PTPRS: variants seen among roughly 807,000 people sequenced by gnomAD.
PTPRS encodes the protein receptor-type tyrosine-protein phosphatase S.
PTPRS carries 63 observed loss-of-function variants against 215.3 expected under a neutral mutation model. The observed-to-expected ratio is 0.29, with a 90% confidence interval of 0.24 to 0.36. The LOEUF is 0.36. Among genes scored for constraint, PTPRS ranks in the 10% least tolerant of loss-of-function variants. The probability of loss-of-function intolerance (pLI) is 1.00; values close to 1 mark genes in which losing one functional copy is unlikely to be tolerated. For missense variants in PTPRS, 2,258 were observed against 2,825.8 expected (o/e 0.80, Z 4.56); for synonymous variants, 1,404 against 1,191.4 (o/e 1.18, Z -3.68).
chr19:5,239,954 G>A (rs961804934), intron 12 of PTPRS, among the ~76,000 whole-genome samples: 5 of 152,098 alleles, frequency 3.3e-5, no homozygotes, highest in Admixed American at 6.5e-5. Flanking sequence ...TGGGGACGCC[G>A]ATACATACGG....
chr19:5,311,811 TG>T (rs957408990), intron 1 of PTPRS, among the ~76,000 whole-genome samples: 9 of 151,776 alleles, frequency 5.9e-5, no homozygotes, highest in African/African-American at 2.2e-4. Flanking sequence ...GAGGCTGAGG[TG>T]GGTGGATCAC....
intron 1 of PTPRS, among the ~76,000 whole-genome samples, chr19:5,326,667 C>A (rs2050175482): frequency 1.4e-5 from 2 of 143,970 alleles, no homozygotes; most frequent in Admixed American, 1.4e-4. Context: ...GCCTGGGTGA[C>A]AGAGTGAGAT....
chr19:5,280,368 A>T (rs1385379922), intron 2 of PTPRS, among the ~76,000 whole-genome samples: 2 of 152,184 alleles, frequency 1.3e-5, no homozygotes, highest in African/African-American at 4.8e-5. Context: ...CCCTCACTCA[A>T]GGCTCTGCTC....
At chr19:5,234,943 CTTTTTT>C (rs113097365) in intron 13 of PTPRS, among the ~76,000 whole-genome samples, 2 of 137,834 alleles carry the variant, frequency 1.5e-5, no homozygotes, top group African/African-American at 5.4e-5. Context: ...TTCTTTCTTT[CTTTTTT>C]TTTTTTTTTT....
intron 7 of PTPRS, among the ~76,000 whole-genome samples, chr19:5,260,167 G>A (rs967139336): frequency 1.2e-4 from 18 of 150,508 alleles, no homozygotes; most frequent in African/African-American, 4.4e-4. Context: ...CACTTTGCAT[G>A]TTCGTTTTGT....
intron 1 of PTPRS, among the ~76,000 whole-genome samples, chr19:5,299,266 C>T (rs2147077345): frequency 6.6e-6 from 1 of 152,318 alleles, no homozygotes; most frequent in South Asian, 2.1e-4. Flanking sequence ...CCTCCCTGCC[C>T]TCCATTCCTC....
chr19:5,211,524 G>A, intron 33 of PTPRS, 66 bp downstream of exon 33: 1 of 1,499,252 alleles, frequency 6.7e-7, no homozygotes, highest in Non-Finnish European at 9.1e-7. Flanking sequence ...CACAAGACTG[G>A]AGGCCTCTTG....
chr19:5,225,124 C>T (rs1385731604), intron 17 of PTPRS, among the ~76,000 whole-genome samples: 1 of 152,168 alleles, frequency 6.6e-6, no homozygotes, highest in Middle Eastern at 3.4e-3. Context: ...GAAAAAAAAG[C>T]CAGCCCCTTG....
chr19:5,211,584 A>T lies in PTPRS; in HGVS notation c.5234+6T>A, dbSNP rs1359276843. On this transcript the variant is annotated splice_donor_region_variant and intron_variant, in intron 33 of 37. Coordinates refer to ENST00000262963, the MANE Select transcript of PTPRS (RefSeq NM_002850.4). ...GGCCCTGAGGTGGGAAAGGCATGGC[A>T]CCTACCTGTAGCCATCAATGAAGCT... 6.2e-7 allele frequency: 1 copy of T among 1,603,174 alleles called. No individual in the cohort carries two copies.
intron 4 of PTPRS, 198 bp downstream of exon 4, chr19:5,273,244 T>G: frequency 1.5e-6 from 1 of 659,746 alleles, no homozygotes. Context: ...AATTCCTTTC[T>G]TTCTTGCAAA....
At chr19:5,291,570 T>G (rs1020321790) in intron 1 of PTPRS, among the ~76,000 whole-genome samples, 3 of 152,086 alleles carry the variant, frequency 2.0e-5, no homozygotes, top group African/African-American at 7.2e-5. Flanking sequence ...CTTCTTGATG[T>G]GACTGCATCC....
In PTPRS at chr19:5,257,954, G is replaced by A. The variant is rs1195184119; in HGVS notation, c.706+63C>T. The A allele has an allele frequency of 3.5e-6, 5 of 1,430,698 alleles. No homozygotes were observed. The highest frequency in any genetic ancestry group is 2.8e-5 in the African/African-American group (2 of 71,454). 88.6% of individuals were successfully genotyped at this position (1,430,698 alleles called of 1,614,324 possible). ...GGGGGAGCCCGGAGGCGGTGAGCCC[G>A]AGGAGGGAGGGGGATGGGACGGGGC... On this transcript the variant is annotated intron_variant, in intron 8 of 37. Transcript: ENST00000262963. This position sits in a 1 kb window ranked among gnomAD's most constrained non-coding sequence, Gnocchi z 4.4.
At position 5,237,285 on chromosome 19, in the gene PTPRS, G is replaced by A. The variant is rs935596916; in HGVS notation, c.1849+1634C>T. Among the ~76,000 whole-genome samples, 7 of 152,118 alleles carry A rather than the reference G, an allele frequency of 4.6e-5. No individual in the cohort carries two copies. The highest frequency in any genetic ancestry group is 2.0e-4 in the Admixed American group (3 of 15,282). ...ACCCTGTGTTCAGCCTAAGGAGCCC[G>A]CAGTCCCCGGGGGGATGGATACGCC... On this transcript the variant is annotated intron_variant, in intron 13 of 37. Coordinates refer to ENST00000262963, the MANE Select transcript of PTPRS (RefSeq NM_002850.4). The surrounding 1 kb of genome is among the most constrained non-coding windows in gnomAD (Gnocchi z 4.2).
chr19:5,297,615 A>G (rs556975812), intron 1 of PTPRS, among the ~76,000 whole-genome samples: 1 of 152,136 alleles, frequency 6.6e-6, no homozygotes, highest in Admixed American at 6.5e-5. Context: ...CAAGGCTGCA[A>G]AAACTGGGGG....
intron 7 of PTPRS, 69 bp from the exon 8 acceptor site, chr19:5,258,196 C>A (rs758313751): frequency 3.1e-6 from 4 of 1,296,892 alleles, no homozygotes; most frequent in Admixed American, 1.7e-5. Flanking sequence ...AAAGCTCCCC[C>A]ACCAGAGTGC....
intron 1 of PTPRS, among the ~76,000 whole-genome samples, chr19:5,291,301 G>A (rs117557708): frequency 3.8e-3 from 575 of 152,114 alleles, no homozygotes; most frequent in Non-Finnish European, 5.9e-3. Flanking sequence ...GCTGTTTAAC[G>A]GATTAGGAAA....
In PTPRS at chr19:5,287,964, GCACACACACACACACACACA is replaced by G. The variant is rs3042434; in HGVS notation, c.-94-1750_-94-1731del. Among the ~76,000 whole-genome samples the G allele has an allele frequency of 9.0e-5, 12 of 133,364 alleles. No individual in the cohort carries two copies. Among genetic ancestry groups the G allele is most frequent in the Non-Finnish European group, 1.6e-4 (10 of 62,470 alleles). 87.5% of individuals were successfully genotyped at this position (133,364 alleles called of 152,430 possible). A position where few individuals can be genotyped will look rare whatever the true frequency, so the allele number is the denominator to read the frequency against. On this transcript the variant is annotated intron_variant, in intron 1 of 37. Transcript: ENST00000262963. The surrounding 1 kb of genome is among the most constrained non-coding windows in gnomAD (Gnocchi z 4.8). Reference sequence around the variant, plus strand: ...TCACACAGTCAGGCAGCAGAGACGGGCACACACACACACACACACACACACACACACACACACACACACAC... The same window carrying G: ...TCACACAGTCAGGCAGCAGAGACGGGCACACACACACACACACACACACAC...
intron 16 of PTPRS, among the ~76,000 whole-genome samples, chr19:5,227,312 A>G (rs1220651763): frequency 2.0e-5 from 3 of 152,132 alleles, no homozygotes. Flanking sequence ...CTGCCTCCCA[A>G]AGTGCTGGGA....
intron 2 of PTPRS, among the ~76,000 whole-genome samples, chr19:5,285,514 C>T (rs951215402): frequency 1.5e-4 from 23 of 152,250 alleles, no homozygotes; most frequent in Non-Finnish European, 2.9e-5. Flanking sequence ...ACCCACAAAA[C>T]CCCAGTCCCA....
Sources: allele counts gnomAD v4.1 joint callset (sites outside exome capture counted in the v4.1 genomes callset), GRCh38; gene constraint gnomAD v4.1.1; non-coding constraint Gnocchi (gnomAD v3.1); transcripts MANE v1.5; gene names NCBI Gene and HGNC (gene_info 2026-07-23, HGNC 2026-07-21).